FRMPD1: variants seen among roughly 807,000 people sequenced by gnomAD.
FRMPD1 encodes the protein FERM and PDZ domain-containing protein 1.
Under a neutral mutation model 117.8 loss-of-function variants are expected in FRMPD1, and 76 were observed. The ratio of observed to expected loss-of-function variants is 0.65; its 90% confidence interval spans 0.54 to 0.78. The LOEUF is 0.78. Ranked by LOEUF, FRMPD1 falls within the 30% of genes least tolerant of loss-of-function variation. The pLI is 0.00. For missense variants in FRMPD1, 1,786 were observed against 1,964.5 expected (o/e 0.91, Z 1.72); for synonymous variants, 783 against 770.4 (o/e 1.02, Z -0.27).
At chr9:37,680,424 G>C (rs1821687420) in intron 1 of FRMPD1, among the ~76,000 whole-genome samples, 1 of 152,202 alleles carries the variant, frequency 6.6e-6, no homozygotes, top group South Asian at 2.1e-4. Flanking sequence ...GATCAAACCT[G>C]TGGTTGAATG....
At chr9:37,689,503 C>T (rs1563932662) in intron 1 of FRMPD1, among the ~76,000 whole-genome samples, 2 of 152,074 alleles carry the variant, frequency 1.3e-5, no homozygotes, top group Admixed American at 6.6e-5. Context: ...ATTTCTTTTC[C>T]CTAAGACCTC....
the FRMPD1 span, among the ~76,000 whole-genome samples, chr9:37,612,222 G>C: frequency 6.6e-6 from 1 of 152,208 alleles, no homozygotes; most frequent in Non-Finnish European, 1.5e-5. Context: ...CCTGGAGAGA[G>C]AAACTGCTTG....
Position 37,708,505 on chromosome 9 carries a change from C to T in FRMPD1, c.362+4C>T, listed in dbSNP as rs1228455534. ...AACGAGCAGTCGATATTCTCAGGTA[C>T]TAAATGGTCTTCCATCATCTACAGA... On this transcript the variant is annotated splice_donor_region_variant and intron_variant, in intron 4 of 15. Transcript: ENST00000377765. 6.6e-7 allele frequency: 1 copy of T among 1,506,902 alleles called. No homozygotes were observed. The highest frequency in any genetic ancestry group is 2.3e-5 in the East Asian group (1 of 44,390). 93.3% of individuals were successfully genotyped at this position (1,506,902 alleles called of 1,614,324 possible).
chr9:37,622,643 C>T, the FRMPD1 span, among the ~76,000 whole-genome samples: 1 of 152,322 alleles, frequency 6.6e-6, no homozygotes, highest in Non-Finnish European at 1.5e-5. Context: ...TAAGAAACAG[C>T]TGTCCTCGGA....
At chr9:37,620,716 AG>A in the FRMPD1 span, among the ~76,000 whole-genome samples, 1 of 150,772 alleles carries the variant, frequency 6.6e-6, no homozygotes, top group Admixed American at 6.6e-5. Flanking sequence ...AGTATAGCAC[AG>A]TTTTTTTTTT....
At chr9:37,683,984 G>A (rs1041238081) in intron 1 of FRMPD1, among the ~76,000 whole-genome samples, 1 of 149,686 alleles carries the variant, frequency 6.7e-6, no homozygotes. Context: ...AAGGCTTTGC[G>A]GGGAACAACA....
At chr9:37,662,908 C>T (rs1392631528) in intron 1 of FRMPD1, among the ~76,000 whole-genome samples, 2 of 152,104 alleles carry the variant, frequency 1.3e-5, no homozygotes, top group South Asian at 2.1e-4. Flanking sequence ...GAATTACATG[C>T]GTAAAGAGAA....
At chr9:37,716,444 T>A (rs1823122690) in intron 5 of FRMPD1, among the ~76,000 whole-genome samples, 2 of 152,352 alleles carry the variant, frequency 1.3e-5, no homozygotes, top group Admixed American at 1.3e-4. Context: ...TTGACAGCTG[T>A]AGTCATTTTC....
At chr9:37,642,255 A>G in the FRMPD1 span, among the ~76,000 whole-genome samples, 2 of 152,230 alleles carry the variant, frequency 1.3e-5, no homozygotes, top group Non-Finnish European at 2.9e-5. Context: ...AAAAAGACAC[A>G]TGATACTTGC....
At chr9:37,625,723 G>A in the FRMPD1 span, among the ~76,000 whole-genome samples, 57 of 152,358 alleles carry the variant, frequency 3.7e-4, no homozygotes, top group African/African-American at 1.2e-3. Context: ...GAACTGGGGT[G>A]GGCGTGGGGC....
At position 37,745,088 on chromosome 9, in the gene FRMPD1, A is replaced by G; in HGVS notation, c.3056A>G (p.Asp1019Gly). The change falls in exon 16 of 16, where the codon GAC becomes GGC. Residue 1019 changes from aspartate (D) to glycine (G), a missense_variant. Asp to Gly is a moderately conservative substitution (Grantham distance 94, BLOSUM62 -1). Transcript: ENST00000377765. ...AGCTCCTTCTCCCTCTCCAGTGGTG[A>G]CCCTAACCCAGACAGAGCCTGCCTG... ...GDSSFSLSSG[D>G]PNPDRACLAS... The G allele has an allele frequency of 6.2e-7, 1 of 1,614,070 alleles. No homozygotes were observed. The highest frequency in any genetic ancestry group is 8.5e-7 in the Non-Finnish European group (1 of 1,179,990).
the FRMPD1 span, among the ~76,000 whole-genome samples, chr9:37,632,219 C>T: frequency 2.0e-5 from 3 of 152,104 alleles, no homozygotes; most frequent in East Asian, 1.9e-4. Context: ...ATGGATATAC[C>T]GTAATTTAAC....
At chr9:37,733,850 C>A in intron 12 of FRMPD1, 25 bp downstream of exon 12, 1 of 1,257,110 alleles carries the variant, frequency 8.0e-7, no homozygotes, top group South Asian at 1.2e-5. Context: ...ACTGTGAAAT[C>A]CTACTCACGT....
chr9:37,725,667 T>A (rs1177701673), intron 7 of FRMPD1, among the ~76,000 whole-genome samples: 1 of 152,222 alleles, frequency 6.6e-6, no homozygotes, highest in East Asian at 1.9e-4. Context: ...ACTTTAAGTG[T>A]TTACTACATG....
chr9:37,624,747 T>C, the FRMPD1 span, among the ~76,000 whole-genome samples: 1 of 152,206 alleles, frequency 6.6e-6, no homozygotes, highest in Non-Finnish European at 1.5e-5. Context: ...ATGTGAGGGA[T>C]TGTTATCATC....
At chr9:37,625,454 T>G in the FRMPD1 span, among the ~76,000 whole-genome samples, 1 of 152,108 alleles carries the variant, frequency 6.6e-6, no homozygotes, top group Non-Finnish European at 1.5e-5. Flanking sequence ...CCTTCCGTAT[T>G]GCTTACTTCC....
At position 37,650,965 on chromosome 9, in the gene FRMPD1, G is replaced by T. The variant is rs935632223; in HGVS notation, c.-134G>T. 9 of 151,224 alleles carry T rather than the reference G, an allele frequency of 6.0e-5. No homozygotes were observed. The highest frequency in any genetic ancestry group is 2.2e-4 in the African/African-American group (9 of 41,330). 9.4% of individuals were successfully genotyped at this position (151,224 alleles called of 1,614,324 possible). On this transcript the variant is annotated 5_prime_UTR_variant, in exon 1 of 16. Transcript: ENST00000377765. ...AGCCTCGGCGCGGGAGGCGGAGCCC[G>T]AGCCGAGCCCGAGCAGCGCTGCTTC...
intron 1 of FRMPD1, among the ~76,000 whole-genome samples, chr9:37,669,083 G>A (rs1031771519): frequency 6.6e-5 from 10 of 152,268 alleles, no homozygotes; most frequent in African/African-American, 2.4e-4. Flanking sequence ...ACAGAATCAG[G>A]ACTTGGATCC....
At chr9:37,666,670 T>C (rs10814594) in intron 1 of FRMPD1, among the ~76,000 whole-genome samples, 39,925 of 152,094 alleles carry the variant, frequency 0.26, 7,004 homozygotes, top group African/African-American at 0.48. Flanking sequence ...AACTCCCAGG[T>C]GTTCTACTAG....
Sources: allele counts gnomAD v4.1 joint callset (sites outside exome capture counted in the v4.1 genomes callset), GRCh38; gene constraint gnomAD v4.1.1; transcripts MANE v1.5; gene names NCBI Gene and HGNC (gene_info 2026-07-23, HGNC 2026-07-21).